Variants in GMDS observed in about 807,000 individuals in gnomAD.
GMDS encodes the protein GDP-mannose 4,6 dehydratase.
GMDS carries 20 observed loss-of-function variants against 49.9 expected under a neutral mutation model. The observed-to-expected ratio is 0.40, with a 90% CI of 0.28 to 0.58. The LOEUF (loss-of-function observed/expected upper bound fraction) is 0.58, where lower values mean the gene tolerates loss of function less well. Ranked by LOEUF, GMDS falls within the 20% of genes least tolerant of loss-of-function variation. The probability of loss-of-function intolerance (pLI) is 0.42; values close to 1 mark genes in which losing one functional copy is unlikely to be tolerated. For synonymous variants in GMDS, 177 were observed against 178.6 expected, an observed-to-expected ratio of 0.99 and a Z score of 0.07; for missense variants, 362 against 481.4, an observed-to-expected ratio of 0.75 and a Z score of 2.32.
intron 9 of GMDS, among the ~76,000 whole-genome samples, chr6:1,691,372 G>A (rs888644398): frequency 1.3e-5 from 2 of 152,076 alleles, no homozygotes; most frequent in Admixed American, 6.5e-5. Context: ...GTGTGGGGGA[G>A]GGAGAGCATC....
At chr6:2,011,949 C>G (rs1037514669) in intron 4 of GMDS, among the ~76,000 whole-genome samples, 5 of 152,228 alleles carry the variant, frequency 3.3e-5, no homozygotes, top group Middle Eastern at 6.8e-3. Context: ...AGAACAAAAT[C>G]ATGTCTTTTC....
chr6:2,235,929 C>G (rs1016840446), intron 1 of GMDS, among the ~76,000 whole-genome samples: 1 of 151,870 alleles, frequency 6.6e-6, no homozygotes, highest in Admixed American at 6.6e-5. Flanking sequence ...CTCTATGGGT[C>G]TCTCCAGTTT....
chr6:2,244,149 T>C (rs1300951919), intron 1 of GMDS, among the ~76,000 whole-genome samples: 1 of 152,040 alleles, frequency 6.6e-6, no homozygotes, highest in Admixed American at 6.6e-5. Flanking sequence ...AGATTTCAAG[T>C]ATGAGCCGCT....
At chr6:2,124,597 C>T (rs1479277487) in intron 2 of GMDS, 90 bp downstream of exon 2, 1 of 946,724 alleles carries the variant, frequency 1.1e-6, no homozygotes, top group Non-Finnish European at 1.7e-6. Context: ...GTGGAAAACA[C>T]ACTCAGGAGG....
At chr6:1,644,419 G>A (rs1763427650) in intron 9 of GMDS, among the ~76,000 whole-genome samples, 1 of 152,192 alleles carries the variant, frequency 6.6e-6, no homozygotes, top group Admixed American at 6.5e-5. Context: ...CTGCATATGA[G>A]CCGCTAGGCT....
At chr6:1,761,094 TG>T (rs1238025118) in intron 7 of GMDS, among the ~76,000 whole-genome samples, 1 of 152,170 alleles carries the variant, frequency 6.6e-6, no homozygotes, top group African/African-American at 2.4e-5. Flanking sequence ...TCCCCTTCCA[TG>T]GAAGGGCCTG....
chr6:1,814,794 G>A (rs1030022070), intron 7 of GMDS, among the ~76,000 whole-genome samples: 2 of 151,918 alleles, frequency 1.3e-5, no homozygotes, highest in African/African-American at 4.8e-5. Flanking sequence ...TTATAATTCA[G>A]TCTCTAAACC....
At chr6:1,748,596 C>A (rs998481234) in intron 7 of GMDS, among the ~76,000 whole-genome samples, 1 of 152,172 alleles carries the variant, frequency 6.6e-6, no homozygotes, top group South Asian at 2.1e-4. Context: ...AGGGGACAGA[C>A]AACTTTTTTC....
At chr6:1,937,235 C>T (rs1762598309) in intron 6 of GMDS, among the ~76,000 whole-genome samples, 1 of 152,160 alleles carries the variant, frequency 6.6e-6, no homozygotes, top group African/African-American at 2.4e-5. Context: ...TTTCTCAGAA[C>T]AAATCCCTGT....
At chr6:1,624,444 G>A in intron 10 of GMDS, 28 bp downstream of exon 10, 2 of 1,598,854 alleles carry the variant, frequency 1.3e-6, no homozygotes, top group Non-Finnish European at 1.7e-6. Flanking sequence ...CCCCGCAGCG[G>A]GCGGCGTGCG....
intron 7 of GMDS, among the ~76,000 whole-genome samples, chr6:1,795,218 C>T (rs535807434): frequency 4.1e-4 from 62 of 152,196 alleles, no homozygotes; most frequent in African/African-American, 1.5e-3. Flanking sequence ...TAACAATCAT[C>T]ATCATCATCA....
At chr6:1,973,948 G>A (rs1240245144) in intron 4 of GMDS, among the ~76,000 whole-genome samples, 3 of 152,252 alleles carry the variant, frequency 2.0e-5, no homozygotes, top group South Asian at 4.2e-4. Flanking sequence ...TTCTAGGCAG[G>A]ACAAATAACT....
chr6:1,791,208 G>A (rs548102761), intron 7 of GMDS, among the ~76,000 whole-genome samples: 1 of 152,338 alleles, frequency 6.6e-6, no homozygotes, highest in South Asian at 2.1e-4. Context: ...TCTGATTCCA[G>A]AACTGTAAGA....
chr6:1,983,507 C>A (rs1405512246), intron 4 of GMDS, among the ~76,000 whole-genome samples: 1 of 151,792 alleles, frequency 6.6e-6, no homozygotes, highest in Non-Finnish European at 1.5e-5. Context: ...ATCCATCATC[C>A]ATTAGGAACT....
intron 7 of GMDS, among the ~76,000 whole-genome samples, chr6:1,921,306 A>C (rs1318357929): frequency 1.3e-5 from 2 of 152,234 alleles, no homozygotes; most frequent in Non-Finnish European, 2.9e-5. Flanking sequence ...TCATGTTTCT[A>C]AACTATCTGT....
chr6:1,839,234 G>A (rs994079511), intron 7 of GMDS, among the ~76,000 whole-genome samples: 1 of 152,118 alleles, frequency 6.6e-6, no homozygotes, highest in Non-Finnish European at 1.5e-5. Flanking sequence ...TAAACAAGAA[G>A]TGAGCCAGGG....
At chr6:2,089,924 G>A (rs1186551238) in intron 4 of GMDS, among the ~76,000 whole-genome samples, 8 of 152,120 alleles carry the variant, frequency 5.3e-5, no homozygotes, top group Non-Finnish European at 1.2e-4. Flanking sequence ...AGAGGGTTTA[G>A]GCATAATTCA....
rs368265331 is a variant in GMDS at position 1,973,907 on chromosome 6, G to A, written c.346-12941C>T. On this transcript the variant is annotated intron_variant, in intron 4 of 10. Coordinates refer to ENST00000380815, the MANE Select transcript of GMDS (RefSeq NM_001500.4). ...AAGTCTCAACTATCCATATGGGAGA[G>A]TTCATTTAAGACAAGAAGTAGAGCT... is the stretch of plus-strand genomic sequence containing the variant. Among the ~76,000 whole-genome samples the A allele has an allele frequency of 2.6e-4, 39 of 152,258 alleles. 1 individual carries two copies. In the East Asian group the frequency reaches 4.4e-3, roughly 17 times the overall value.
At chr6:1,932,284 A>G (rs537091952) in intron 6 of GMDS, among the ~76,000 whole-genome samples, 2 of 152,164 alleles carry the variant, frequency 1.3e-5, no homozygotes, top group South Asian at 4.1e-4. Flanking sequence ...AGCTCTTTAG[A>G]TGGGGTAACT....
Sources: gnomAD v4.1 joint callset for allele counts (sites outside exome capture counted in the v4.1 genomes callset) on GRCh38, gnomAD v4.1.1 for gene constraint, MANE v1.5 for transcripts, NCBI Gene and HGNC (gene_info 2026-07-23, HGNC 2026-07-21) for gene names.